PDE10A: variants seen among roughly 807,000 people sequenced by gnomAD.
PDE10A encodes the protein cAMP and cAMP-inhibited cGMP 3',5'-cyclic phosphodiesterase 10A.
PDE10A carries 39 observed loss-of-function variants against 97.7 expected under a neutral mutation model. The ratio of observed to expected loss-of-function variants is 0.40; its 90% CI spans 0.31 to 0.52. The LOEUF is 0.52. Among genes scored for constraint, PDE10A ranks in the 20% least tolerant of loss-of-function variants. PDE10A has a pLI of 0.56. For missense variants in PDE10A, 731 were observed against 1,047.8 expected, an observed-to-expected ratio of 0.70 and a Z score of 4.17; for synonymous variants, 371 against 376.8, an observed-to-expected ratio of 0.98 and a Z score of 0.18.
At chr6:165,621,842 A>G (rs1341213378) in intron 1 of PDE10A, among the ~76,000 whole-genome samples, 3 of 152,128 alleles carry the variant, frequency 2.0e-5, no homozygotes, top group Non-Finnish European at 4.4e-5. Flanking sequence ...TCTCCCTCAC[A>G]TGGTATCACA....
At chr6:165,488,749 G>A (rs992665811) in intron 2 of PDE10A, among the ~76,000 whole-genome samples, 12 of 152,278 alleles carry the variant, frequency 7.9e-5, no homozygotes, top group African/African-American at 2.6e-4. Context: ...GTGTGTTGCG[G>A]GGCATGGTGG....
intron 9 of PDE10A, among the ~76,000 whole-genome samples, chr6:165,428,910 C>T (rs903953122): frequency 6.6e-6 from 1 of 151,700 alleles, no homozygotes; most frequent in East Asian, 1.9e-4. Context: ...TTATGATTGA[C>T]CTCAGCATGA....
chr6:165,835,445 C>T (rs897647858), intron 1 of PDE10A, among the ~76,000 whole-genome samples: 2 of 152,210 alleles, frequency 1.3e-5, no homozygotes, highest in African/African-American at 4.8e-5. Flanking sequence ...GTGCATTCTG[C>T]TCCTGAGGCC....
At chr6:165,732,299 C>T (rs557746505) in intron 1 of PDE10A, among the ~76,000 whole-genome samples, 3 of 152,302 alleles carry the variant, frequency 2.0e-5, no homozygotes, top group East Asian at 1.9e-4. Flanking sequence ...ACCTCTCTTT[C>T]GGGATTCTGA....
chr6:165,597,418 G>A (rs1330322135), intron 1 of PDE10A, among the ~76,000 whole-genome samples: 1 of 152,158 alleles, frequency 6.6e-6, no homozygotes, highest in East Asian at 1.9e-4. Context: ...ATCGTATGTA[G>A]AAAAGTAAGC....
intron 18 of PDE10A, among the ~76,000 whole-genome samples, chr6:165,345,642 ACAAT>A (rs1782258995): frequency 1.3e-5 from 2 of 152,208 alleles, no homozygotes; most frequent in Admixed American, 1.3e-4. Context: ...GTCGCTAAAA[ACAAT>A]CAAGGAGGAG....
At chr6:165,923,579 C>T (rs376785198) in intron 1 of PDE10A, among the ~76,000 whole-genome samples, 12 of 152,260 alleles carry the variant, frequency 7.9e-5, no homozygotes, top group Middle Eastern at 3.4e-3. Context: ...TGGGAGGTGA[C>T]GGAACAGTCA....
At chr6:165,783,935 C>G (rs571477500) in intron 1 of PDE10A, among the ~76,000 whole-genome samples, 1 of 152,124 alleles carries the variant, frequency 6.6e-6, no homozygotes, top group Non-Finnish European at 1.5e-5. Context: ...AGCTGTCTGC[C>G]TTGGCCGGGC....
chr6:165,760,453 C>T (rs565437131), intron 1 of PDE10A, among the ~76,000 whole-genome samples: 8 of 152,198 alleles, frequency 5.3e-5, no homozygotes, highest in Admixed American at 1.3e-4. Flanking sequence ...CAAGCTAATA[C>T]GCTTAGTTTA....
At chr6:165,525,529 C>G (rs1583466380) in intron 2 of PDE10A, among the ~76,000 whole-genome samples, 1 of 151,488 alleles carries the variant, frequency 6.6e-6, no homozygotes, top group East Asian at 1.9e-4. Context: ...TAGACCTACT[C>G]ATCCCAGCCT....
At chr6:165,744,007 G>A (rs1324432351) in intron 1 of PDE10A, among the ~76,000 whole-genome samples, 1 of 152,120 alleles carries the variant, frequency 6.6e-6, no homozygotes, top group African/African-American at 2.4e-5. Flanking sequence ...CTGTGACTTC[G>A]GAGAATGATT....
chr6:165,937,850 T>C (rs1783385801), intron 1 of PDE10A, among the ~76,000 whole-genome samples: 1 of 152,174 alleles, frequency 6.6e-6, no homozygotes, highest in African/African-American at 2.4e-5. Flanking sequence ...TTCTAATAAA[T>C]GCTAACCAAA....
chr6:165,894,662 A>C (rs954685253), intron 1 of PDE10A: 4 of 386,402 alleles, frequency 1.0e-5, no homozygotes, highest in Non-Finnish European at 2.1e-5. Context: ...GGGGCTGGCC[A>C]CATAGCACCT....
chr6:165,494,779 C>T lies in PDE10A; in HGVS notation c.995-12436G>A, dbSNP rs1040372903. On this transcript the variant is annotated intron_variant, in intron 2 of 21. Coordinates refer to ENST00000539869, the MANE Select transcript of PDE10A (RefSeq NM_001385079.1). ...TACTAAATCTTCCATGAGTAAGTAG[C>T]CTGCTTTCTGTGCTCATTCCACAGG... Among the ~76,000 whole-genome samples the T allele has an allele frequency of 2.6e-5, 4 of 152,154 alleles. No individual in the cohort carries two copies. In the East Asian group the frequency reaches 7.7e-4, roughly 29 times the overall value.
intron 1 of PDE10A, among the ~76,000 whole-genome samples, chr6:165,635,448 A>T (rs1583687384): frequency 1.3e-5 from 2 of 151,718 alleles, no homozygotes; most frequent in South Asian, 4.2e-4. Context: ...GTTTGTCTTC[A>T]TGGTGCAAGT....
At chr6:165,813,382 C>T (rs1399219708) in intron 1 of PDE10A, among the ~76,000 whole-genome samples, 1 of 147,254 alleles carries the variant, frequency 6.8e-6, no homozygotes, top group African/African-American at 2.5e-5. Flanking sequence ...CTCATGGGAA[C>T]CGCATATGTT....
rs2128433177 is a variant in PDE10A, at chr6:165,662,897, C to G, written c.-86G>C. On this transcript the variant is annotated 5_prime_UTR_variant, in exon 1 of 22. Transcript: ENST00000539869. ...CTCGGTGGGCTCCGCCCCCGCAGGACCTGCCCACCCCTGCCGGCCGCCCGA... is the reference window on the plus strand; with the variant it reads ...CTCGGTGGGCTCCGCCCCCGCAGGAGCTGCCCACCCCTGCCGGCCGCCCGA... Among the ~76,000 whole-genome samples the G allele has an allele frequency of 6.6e-6, 1 of 151,184 alleles. No homozygotes were observed. The highest frequency in any genetic ancestry group is 2.1e-4 in the South Asian group (1 of 4,812).
intron 3 of PDE10A, among the ~76,000 whole-genome samples, chr6:165,458,285 G>A (rs117350376): frequency 7.9e-5 from 12 of 152,138 alleles, no homozygotes; most frequent in East Asian, 7.7e-4. Flanking sequence ...AAATTCCTAC[G>A]CTGAAATCTT....
At chr6:165,372,181 C>T (rs1784301814) in intron 18 of PDE10A, among the ~76,000 whole-genome samples, 1 of 147,138 alleles carries the variant, frequency 6.8e-6, no homozygotes. Context: ...ACAGGGATGC[C>T]CTCTCTCACC....
Sources: allele counts gnomAD v4.1 joint callset (sites outside exome capture counted in the v4.1 genomes callset), GRCh38; gene constraint gnomAD v4.1.1; transcripts MANE v1.5; gene names NCBI Gene and HGNC (gene_info 2026-07-23, HGNC 2026-07-21).